DOCK3: variants seen among roughly 807,000 people sequenced by gnomAD.
DOCK3 encodes the protein dedicator of cytokinesis protein 3.
DOCK3 carries 60 observed loss-of-function variants against 265.6 expected under a neutral mutation model. The observed-to-expected ratio is 0.23, with a 90% CI of 0.18 to 0.28. DOCK3 has a LOEUF of 0.28. Among genes scored for constraint, DOCK3 ranks in the 10% least tolerant of loss-of-function variants. The pLI, the probability that DOCK3 is intolerant of heterozygous loss-of-function variation, is 1.00. For missense variants in DOCK3, 1,981 were observed against 2,594.3 expected, an observed-to-expected ratio of 0.76 and a Z score of 5.14; for synonymous variants, 881 against 938.0, an observed-to-expected ratio of 0.94 and a Z score of 1.11.
At chr3:51,010,145 A>G (rs2078883231) in intron 5 of DOCK3, among the ~76,000 whole-genome samples, 1 of 152,172 alleles carries the variant, frequency 6.6e-6, no homozygotes, top group Non-Finnish European at 1.5e-5. Context: ...CACTTGGTGC[A>G]GAGCTGAGTT....
In DOCK3 at chr3:51,354,897, T is replaced by G; in HGVS notation, c.4123T>G (p.Cys1375Gly). 1 of 1,613,822 alleles carries G rather than the reference T, an allele frequency of 6.2e-7. No individual in the cohort carries two copies. Residue 1375 changes from cysteine (C) to glycine (G), a missense_variant, in exon 41 of 53, where the codon TGC becomes GGC. Transcript: ENST00000266037. ...TTTGTGGCAGAACAAAGAATACGTG[T>G]GCCGTGGCCATGACTACGAGAGGCT... ...PFFLRNKEYVCRGHDYERLEA... is the reference protein window; with the variant it reads ...PFFLRNKEYVGRGHDYERLEA...
chr3:51,379,615 G>A (rs533757535), intron 51 of DOCK3: 2 of 985,340 alleles, frequency 2.0e-6, no homozygotes, highest in Non-Finnish European at 2.4e-6. Context: ...CCTGGTCTCA[G>A]ACTCTGCTCA....
At position 51,182,200 on chromosome 3, in the gene DOCK3, A is replaced by G. The variant is rs1326770300; in HGVS notation, c.1037+21498A>G. Among the ~76,000 whole-genome samples, 5 of 152,120 alleles carry G rather than the reference A, an allele frequency of 3.3e-5. 1 individual carries two copies. The highest frequency in any genetic ancestry group is 3.3e-4 in the Admixed American group (5 of 15,258). On this transcript the variant is annotated intron_variant, in intron 12 of 52. Transcript: ENST00000266037. ...GTTTGAATCTTGGCCCCACCATATT[A>G]TAGGTTGTATGACCTCGGGCAAGGG...
At chr3:51,039,543 A>G (rs2080398537) in intron 5 of DOCK3, among the ~76,000 whole-genome samples, 1 of 152,152 alleles carries the variant, frequency 6.6e-6, no homozygotes, top group Non-Finnish European at 1.5e-5. Context: ...ATTAAGTGGC[A>G]TCTTACTTTT....
At chr3:51,327,187 G>T (rs2084183945) in intron 32 of DOCK3, among the ~76,000 whole-genome samples, 1 of 152,090 alleles carries the variant, frequency 6.6e-6, no homozygotes, top group South Asian at 2.1e-4. Flanking sequence ...TAGGGACCAG[G>T]ATTATTTCTT....
chr3:51,131,736 C>T (rs963914144), intron 9 of DOCK3, among the ~76,000 whole-genome samples: 5 of 152,164 alleles, frequency 3.3e-5, no homozygotes, highest in African/African-American at 1.2e-4. Flanking sequence ...CTCCGCTGTC[C>T]ATTATGGTAG....
At chr3:51,309,869 C>G (rs1307333096) in intron 27 of DOCK3, among the ~76,000 whole-genome samples, 4 of 152,260 alleles carry the variant, frequency 2.6e-5, no homozygotes, top group Admixed American at 1.3e-4. Flanking sequence ...CAATCAAACG[C>G]TCAGGGGCCA....
At chr3:50,748,686 C>T (rs942175525) in intron 1 of DOCK3, among the ~76,000 whole-genome samples, 1 of 152,176 alleles carries the variant, frequency 6.6e-6, no homozygotes, top group African/African-American at 2.4e-5. Context: ...CCTCCAAACT[C>T]TCTACCCTCT....
chr3:50,841,565 G>T, intron 2 of DOCK3, 110 bp from the exon 3 acceptor site: 1 of 360,498 alleles, frequency 2.8e-6, no homozygotes. Flanking sequence ...AAGCCACAGT[G>T]GGTGTTTTAA....
chr3:51,351,259 AC>A (rs1356588212), intron 40 of DOCK3, among the ~76,000 whole-genome samples: 4 of 152,190 alleles, frequency 2.6e-5, no homozygotes, highest in Non-Finnish European at 4.4e-5. Context: ...AATATCTTTA[AC>A]TAAAGTTCAC....
At chr3:51,212,040 T>A (rs1455535012) in intron 13 of DOCK3, among the ~76,000 whole-genome samples, 2 of 152,148 alleles carry the variant, frequency 1.3e-5, no homozygotes, top group Non-Finnish European at 2.9e-5. Context: ...TGCCTTAGCA[T>A]TATTTGGTAT....
At chr3:50,705,393 A>T (rs2036339956) in intron 1 of DOCK3, among the ~76,000 whole-genome samples, 1 of 151,862 alleles carries the variant, frequency 6.6e-6, no homozygotes, top group Non-Finnish European at 1.5e-5. Context: ...GTGAATTCTT[A>T]TGAGATCTGC....
At chr3:50,984,127 G>A (rs896972909) in intron 5 of DOCK3, among the ~76,000 whole-genome samples, 1 of 152,188 alleles carries the variant, frequency 6.6e-6, no homozygotes, top group Non-Finnish European at 1.5e-5. Context: ...GGCAGGTGTG[G>A]GATCCAGGCC....
intron 2 of DOCK3, among the ~76,000 whole-genome samples, chr3:50,799,456 AT>A (rs561865208): frequency 2.7e-5 from 4 of 150,508 alleles, no homozygotes; most frequent in Admixed American, 1.3e-4. Context: ...ATTCTTAGGT[AT>A]TTTTTTTTGT....
intron 4 of DOCK3, among the ~76,000 whole-genome samples, chr3:50,916,200 T>A (rs960727061): frequency 6.6e-6 from 1 of 152,068 alleles, no homozygotes; most frequent in African/African-American, 2.4e-5. Flanking sequence ...TGCATTGGCC[T>A]GAGTGTTGAG....
chr3:50,715,156 T>C (rs570584033), intron 1 of DOCK3, among the ~76,000 whole-genome samples: 39 of 152,370 alleles, frequency 2.6e-4, no homozygotes, highest in Non-Finnish European at 5.4e-4. Context: ...TCAGTGCATA[T>C]GTACTGAATG....
At chr3:50,805,373 G>A (rs2043347422) in intron 2 of DOCK3, among the ~76,000 whole-genome samples, 1 of 152,182 alleles carries the variant, frequency 6.6e-6, no homozygotes, top group Admixed American at 6.5e-5. Flanking sequence ...GGACATGTGT[G>A]TGCACACAGT....
At chr3:50,923,171 A>T (rs1023019566) in intron 4 of DOCK3, among the ~76,000 whole-genome samples, 1 of 152,096 alleles carries the variant, frequency 6.6e-6, no homozygotes, top group Non-Finnish European at 1.5e-5. Flanking sequence ...TTGTTGATTG[A>T]TGGGCATGTA....
chr3:51,356,816 C>A, intron 43 of DOCK3, 146 bp from the exon 44 acceptor site: 1 of 954,458 alleles, frequency 1.0e-6, no homozygotes, highest in South Asian at 1.8e-5. Flanking sequence ...AATCAGACAA[C>A]AGAAGTGGAA....
Sources: gnomAD v4.1 joint callset for allele counts (sites outside exome capture counted in the v4.1 genomes callset) on GRCh38, gnomAD v4.1.1 for gene constraint, MANE v1.5 for transcripts, NCBI Gene and HGNC (gene_info 2026-07-23, HGNC 2026-07-21) for gene names.